Variants in PRKN observed in about 807,000 individuals in gnomAD.
PRKN encodes the protein parkin RBR E3 ubiquitin protein ligase.
PRKN carries 56 observed loss-of-function variants against 59.5 expected under a neutral mutation model. The observed-to-expected ratio is 0.94, with a 90% CI of 0.76 to 1.18. The LOEUF is 1.18. Among genes scored for constraint, PRKN ranks in the 50% most tolerant of loss-of-function variants. The pLI is 0.00. For missense variants in PRKN, 657 were observed against 596.4 expected, an observed-to-expected ratio of 1.10 and a Z score of -1.06; for synonymous variants, 250 against 222.1, an observed-to-expected ratio of 1.13 and a Z score of -1.12.
Position 162,368,075 on chromosome 6 carries a change from C to T in PRKN, c.171+75235G>A, listed in dbSNP as rs933919290. Among the ~76,000 whole-genome samples, 3 of 152,232 alleles carry T rather than the reference C, an allele frequency of 2.0e-5. No homozygotes were observed. The East Asian group carries it at 5.8e-4, about 30-fold the overall frequency. On this transcript the variant is annotated intron_variant, in intron 2 of 11. Transcript: ENST00000366898. ...TTCCCCTGACCTGCCTTTGGATCCA[C>T]TGAGCAGATGTCACAGGAACTCGCT...
At chr6:162,084,124 T>C (rs577599371) in intron 4 of PRKN, among the ~76,000 whole-genome samples, 274 of 152,252 alleles carry the variant, frequency 1.8e-3, no homozygotes, top group Non-Finnish European at 3.2e-3. Context: ...ATACATATTA[T>C]TGAAAATATT....
chr6:162,420,405 G>A (rs1788900830), intron 2 of PRKN, among the ~76,000 whole-genome samples: 1 of 152,156 alleles, frequency 6.6e-6, no homozygotes, highest in African/African-American at 2.4e-5. Flanking sequence ...TGGAATGAGT[G>A]CAAGTTGGAA....
intron 3 of PRKN, among the ~76,000 whole-genome samples, chr6:162,212,692 G>C (rs78924229): frequency 6.6e-6 from 1 of 152,258 alleles, no homozygotes; most frequent in Non-Finnish European, 1.5e-5. Flanking sequence ...GTCCTTAGAC[G>C]ATTGTGGAAT....
chr6:162,483,577 G>A (rs535692240), intron 1 of PRKN, among the ~76,000 whole-genome samples: 2 of 151,952 alleles, frequency 1.3e-5, no homozygotes, highest in South Asian at 2.1e-4. Context: ...GAGAGGGAGA[G>A]AGGGAGACGG....
intron 7 of PRKN, among the ~76,000 whole-genome samples, chr6:161,756,133 A>G (rs796772263): frequency 9.9e-5 from 15 of 152,278 alleles, no homozygotes; most frequent in African/African-American, 2.9e-4. Context: ...TACTATAACT[A>G]AACATTGTAT....
intron 5 of PRKN, among the ~76,000 whole-genome samples, chr6:162,033,490 T>A (rs988165943): frequency 3.3e-5 from 5 of 152,144 alleles, no homozygotes; most frequent in African/African-American, 1.2e-4. Flanking sequence ...ATATGCTTCT[T>A]TTTTTCTTTA....
chr6:162,173,804 T>G (rs77973509), intron 4 of PRKN, among the ~76,000 whole-genome samples: 1,625 of 152,278 alleles, frequency 0.011, 27 homozygotes, highest in African/African-American at 0.037. Context: ...ATAATGGAAT[T>G]GCAATATTAC....
chr6:162,491,591 G>A (rs1364452703), intron 1 of PRKN, among the ~76,000 whole-genome samples: 2 of 152,158 alleles, frequency 1.3e-5, no homozygotes, highest in South Asian at 2.1e-4. Flanking sequence ...CTCGTGGGAC[G>A]CCCATGGAGA....
chr6:161,833,842 C>T (rs112451559), intron 6 of PRKN, among the ~76,000 whole-genome samples: 2,081 of 152,250 alleles, frequency 0.014, 16 homozygotes, highest in Non-Finnish European at 0.022. Context: ...CTGAAGGAGC[C>T]TTTCGGTTTC....
At chr6:162,467,702 G>C (rs1791493993) in intron 1 of PRKN, among the ~76,000 whole-genome samples, 1 of 151,918 alleles carries the variant, frequency 6.6e-6, no homozygotes, top group African/African-American at 2.4e-5. Flanking sequence ...TACTTTAAAG[G>C]CCTCAATGGC....
At chr6:162,481,714 TA>T (rs1792319045) in intron 1 of PRKN, among the ~76,000 whole-genome samples, 1 of 152,296 alleles carries the variant, frequency 6.6e-6, no homozygotes, top group South Asian at 2.1e-4. Flanking sequence ...TTAACTAAAA[TA>T]TTTTTTTTTC....
chr6:161,750,096 G>C (rs1484636427), intron 7 of PRKN, among the ~76,000 whole-genome samples: 1 of 98,388 alleles, frequency 1.0e-5, no homozygotes, highest in African/African-American at 4.8e-5. Flanking sequence ...GCACACATAG[G>C]ACATATATAT....
intron 1 of PRKN, among the ~76,000 whole-genome samples, chr6:162,446,682 T>C (rs1032064748): frequency 1.4e-4 from 21 of 152,144 alleles, no homozygotes; most frequent in African/African-American, 4.6e-4. Flanking sequence ...TTCGCATGAA[T>C]AAGAAAAAAC....
At chr6:161,855,694 CA>C (rs1356454158) in intron 6 of PRKN, among the ~76,000 whole-genome samples, 1 of 152,124 alleles carries the variant, frequency 6.6e-6, no homozygotes, top group Admixed American at 6.6e-5. Flanking sequence ...TAATATTTGA[CA>C]GATAATCCTT....
At chr6:162,127,237 C>A (rs753609709) in intron 4 of PRKN, among the ~76,000 whole-genome samples, 2 of 152,216 alleles carry the variant, frequency 1.3e-5, no homozygotes, top group Non-Finnish European at 2.9e-5. Context: ...TGACTACCTG[C>A]CTAATGCACT....
intron 1 of PRKN, among the ~76,000 whole-genome samples, chr6:162,524,007 G>A (rs1347573755): frequency 2.0e-5 from 3 of 152,022 alleles, no homozygotes; most frequent in African/African-American, 4.8e-5. Context: ...CCTTGGAGAA[G>A]TTACTTAACC....
chr6:161,496,971 G>A (rs921464429), intron 9 of PRKN, among the ~76,000 whole-genome samples: 1 of 152,212 alleles, frequency 6.6e-6, no homozygotes. Flanking sequence ...AGAACCGTGA[G>A]ACAACACATT....
Position 162,232,827 on chromosome 6 carries a change from G to A in PRKN, c.412+29698C>T, listed in dbSNP as rs541546590. ...TTTAATGCCAGTATCTGCACAAAGC[G>A]TGGTGTGTAAACTACAGGCTTTAGA... On this transcript the variant is annotated intron_variant, in intron 3 of 11. Coordinates refer to ENST00000366898, the MANE Select transcript of PRKN (RefSeq NM_004562.3). Among the ~76,000 whole-genome samples the A allele has an allele frequency of 5.3e-5, 8 of 152,228 alleles. No individual in the cohort carries two copies. In the South Asian group the frequency reaches 8.3e-4, roughly 16 times the overall value.
In PRKN at chr6:162,010,331, A is replaced by G. The variant is rs1378668351; in HGVS notation, c.619-36914T>C. Among the ~76,000 whole-genome samples, 128 of 123,794 alleles carry G rather than the reference A, an allele frequency of 1.0e-3. 2 individuals carry two copies. The highest frequency in any genetic ancestry group is 3.9e-3 in the African/African-American group (123 of 31,876). The allele number at this position is 123,794 out of a possible 152,430, so 81.2% of individuals were successfully genotyped here. A position where few individuals can be genotyped will look rare whatever the true frequency, so the allele number is the denominator to read the frequency against. ...TATATATTTTATATATTTATAATATATAATATATAAATAATATACATTTAT... is the reference window on the plus strand; with the variant it reads ...TATATATTTTATATATTTATAATATGTAATATATAAATAATATACATTTAT... On this transcript the variant is annotated intron_variant, in intron 5 of 11. Transcript: ENST00000366898.
Sources: gnomAD v4.1 joint callset for allele counts (sites outside exome capture counted in the v4.1 genomes callset) on GRCh38, gnomAD v4.1.1 for gene constraint, MANE v1.5 for transcripts, NCBI Gene and HGNC (gene_info 2026-07-23, HGNC 2026-07-21) for gene names.